The following UBAP2 variants were observed in gnomAD, a reference collection of about 807,000 sequenced individuals.
UBAP2 encodes the protein ubiquitin-associated protein 2.
Under a neutral mutation model 139.6 loss-of-function variants are expected in UBAP2, and 75 were observed. The observed-to-expected ratio is 0.54, with a 90% confidence interval of 0.45 to 0.65. The LOEUF (loss-of-function observed/expected upper bound fraction) is 0.65. Ranked by LOEUF, UBAP2 falls within the 30% of genes least tolerant of loss-of-function variation. UBAP2 has a pLI of 0.00. For missense variants in UBAP2, 1,368 were observed against 1,369.6 expected, an observed-to-expected ratio of 1.00 and a Z score of 0.02; for synonymous variants, 526 against 526.2, an observed-to-expected ratio of 1.00 and a Z score of 0.01.
chr9:33,956,145 A>G lies in UBAP2; in HGVS notation c.800T>C (p.Leu267Pro). The G allele has an allele frequency of 6.2e-7, 1 of 1,613,276 alleles. No individual in the cohort carries two copies. Among genetic ancestry groups the G allele is most frequent in the South Asian group, 1.1e-5 (1 of 90,972 alleles). Residue 267 changes from leucine to proline, a missense_variant and splice_region_variant, in exon 11 of 29, where the codon CTT becomes CCT. Leu to Pro is a moderately conservative substitution (Grantham distance 98). Coordinates refer to ENST00000379238, the MANE Select transcript of UBAP2 (RefSeq NM_001370062.2). ...GGCAGTGAAGACCTTTGTTTCAGAA[A>G]GCTGTATGGAAAGTTGAAAAATTTA... The part of the protein sequence containing the change: ...EWTTEDWTED[L>P]SETKVFTASS...
intron 6 of UBAP2, among the ~76,000 whole-genome samples, chr9:33,981,517 G>A (rs993716732): frequency 7.0e-5 from 10 of 143,782 alleles, no homozygotes; most frequent in Non-Finnish European, 1.5e-4. Context: ...CATCATGCCC[G>A]GCTAATTTTT....
intron 1 of UBAP2, among the ~76,000 whole-genome samples, chr9:34,047,755 G>C (rs1212249670): frequency 6.6e-6 from 1 of 152,224 alleles, no homozygotes; most frequent in Admixed American, 6.5e-5. Flanking sequence ...TGAGGTGAAA[G>C]AATCGCTTAA....
intron 8 of UBAP2, among the ~76,000 whole-genome samples, chr9:33,967,503 TTTTG>T (rs1206114817): frequency 3.9e-5 from 6 of 152,292 alleles, no homozygotes; most frequent in Admixed American, 2.0e-4. Context: ...ACTGCCAGGA[TTTTG>T]TTTGTTTTTA....
At chr9:34,015,371 T>C (rs1013237082) in intron 2 of UBAP2, among the ~76,000 whole-genome samples, 1 of 152,196 alleles carries the variant, frequency 6.6e-6, no homozygotes, top group Non-Finnish European at 1.5e-5. Context: ...CAGGCTTGAA[T>C]GCAGTGGTGT....
Position 33,924,029 on chromosome 9 carries a change from G to C in UBAP2, c.2591-29C>G, listed in dbSNP as rs896486004. 2.5e-6 allele frequency: 4 copies of C among 1,611,570 alleles called. No homozygotes were observed. The African/African-American group carries it at 4.0e-5, about 16-fold the overall frequency. ...GGAAAGAGCACTGACTCCAGCCACT[G>C]CCCTTCCTCCAACCAGAGAAAGGCC... On this transcript the variant is annotated intron_variant, in intron 23 of 28. Transcript: ENST00000379238.
At chr9:33,922,662 T>G (rs1587494617) in intron 28 of UBAP2, 25 bp downstream of exon 28, 1 of 1,578,532 alleles carries the variant, frequency 6.3e-7, no homozygotes, top group Middle Eastern at 1.7e-4. Context: ...CAGAGTAGGG[T>G]GGCTGCCTCC....
chr9:34,006,959 T>C (rs140660824), intron 2 of UBAP2, among the ~76,000 whole-genome samples: 1 of 152,172 alleles, frequency 6.6e-6, no homozygotes, highest in Non-Finnish European at 1.5e-5. Context: ...ACCTGAACAA[T>C]GTAGACAGAG....
At chr9:34,047,425 T>C (rs1297596626) in intron 1 of UBAP2, among the ~76,000 whole-genome samples, 2 of 152,176 alleles carry the variant, frequency 1.3e-5, no homozygotes, top group Admixed American at 6.6e-5. Context: ...TTCCCTTTCC[T>C]GAGGTAAAAG....
intron 6 of UBAP2, among the ~76,000 whole-genome samples, chr9:33,982,590 G>A (rs1820859116): frequency 6.6e-6 from 1 of 152,102 alleles, no homozygotes; most frequent in Non-Finnish European, 1.5e-5. Flanking sequence ...TATATATACT[G>A]ATGAGAAAAT....
chr9:34,008,961 C>CAAA (rs773189067), intron 2 of UBAP2, among the ~76,000 whole-genome samples: 6 of 65,712 alleles, frequency 9.1e-5, no homozygotes, highest in African/African-American at 1.3e-4. Context: ...GAGACTGTCT[C>CAAA]AAAAAAAAAA....
intron 12 of UBAP2, 33 bp downstream of exon 12, chr9:33,953,252 T>C: frequency 1.3e-6 from 2 of 1,588,104 alleles, no homozygotes; most frequent in Non-Finnish European, 1.7e-6. Flanking sequence ...GGTATATTTC[T>C]TAAAATCCCA....
At chr9:34,008,357 A>G (rs1045353173) in intron 2 of UBAP2, among the ~76,000 whole-genome samples, 2 of 151,750 alleles carry the variant, frequency 1.3e-5, no homozygotes, top group African/African-American at 4.8e-5. Flanking sequence ...GAAAATGAGT[A>G]ATTTTGGGAT....
intron 8 of UBAP2, among the ~76,000 whole-genome samples, chr9:33,969,792 G>T (rs1180131925): frequency 6.6e-6 from 1 of 151,164 alleles, no homozygotes; most frequent in African/African-American, 2.4e-5. Flanking sequence ...CTTGAACCTG[G>T]GAGGTGGAGG....
At chr9:33,945,922 T>C (rs1825622920) in intron 13 of UBAP2, among the ~76,000 whole-genome samples, 2 of 152,240 alleles carry the variant, frequency 1.3e-5, no homozygotes, top group South Asian at 4.1e-4. Context: ...CAAGTACAAG[T>C]ATACCTGTAG....
At chr9:33,924,093 G>A (rs1823202062) in intron 23 of UBAP2, 93 bp from the exon 24 acceptor site, 4 of 1,584,516 alleles carry the variant, frequency 2.5e-6, no homozygotes, top group East Asian at 2.2e-5. Context: ...CTGGCTGCCA[G>A]CTCAGCACAG....
intron 1 of UBAP2, among the ~76,000 whole-genome samples, chr9:34,018,164 TAA>T (rs770885388): frequency 4.3e-5 from 6 of 138,394 alleles, no homozygotes; most frequent in African/African-American, 7.9e-5. Flanking sequence ...CACCTCAATT[TAA>T]AAAAAAAAAA....
At chr9:33,936,447 C>T (rs1046082160) in intron 16 of UBAP2, among the ~76,000 whole-genome samples, 5 of 151,990 alleles carry the variant, frequency 3.3e-5, no homozygotes, top group African/African-American at 1.2e-4. Flanking sequence ...GCGCGCACCA[C>T]TACACCAGGC....
chr9:33,971,646 C>T lies in UBAP2; in HGVS notation c.679+5G>A. On this transcript the variant is annotated splice_donor_5th_base_variant and intron_variant, in intron 8 of 28. Transcript: ENST00000379238. ...ACTCATCTCTGGCAAAAACAGAACA[C>T]TTACCAGTTCCCTCATCTGCACCAT... The T allele has an allele frequency of 1.3e-6, 2 of 1,566,350 alleles. No homozygotes were observed. The highest frequency in any genetic ancestry group is 1.8e-6 in the Non-Finnish European group (2 of 1,136,364).
chr9:34,024,243 G>C (rs1184835696), intron 1 of UBAP2, among the ~76,000 whole-genome samples: 1 of 151,804 alleles, frequency 6.6e-6, no homozygotes. Flanking sequence ...TCAGGAGGCT[G>C]AGGCAGGAGA....
Sources: allele counts gnomAD v4.1 joint callset (sites outside exome capture counted in the v4.1 genomes callset), GRCh38; gene constraint gnomAD v4.1.1; transcripts MANE v1.5; gene names NCBI Gene and HGNC (gene_info 2026-07-23, HGNC 2026-07-21).